The following E2F3 variants were observed in gnomAD, a reference collection of about 807,000 sequenced individuals.
E2F3 encodes the protein transcription factor E2F3.
In E2F3, 11 loss-of-function variants were observed where a neutral mutation model predicts 44.4. The observed-to-expected ratio is 0.25, with a 90% CI of 0.16 to 0.41. The LOEUF (loss-of-function observed/expected upper bound fraction) is 0.41, where lower values mean the gene tolerates loss of function less well. Among genes scored for constraint, E2F3 ranks in the 10% least tolerant of loss-of-function variants. The pLI is 1.00. For synonymous variants in E2F3, 249 were observed against 253.0 expected (o/e 0.98, Z 0.15); for missense variants, 487 against 583.6 (o/e 0.83, Z 1.70).
intron 1 of E2F3, among the ~76,000 whole-genome samples, chr6:20,424,117 G>T (rs943014990): frequency 6.6e-6 from 1 of 151,878 alleles, no homozygotes; most frequent in African/African-American, 2.4e-5. Flanking sequence ...CTTTGGGAAG[G>T]CCTTTCCTAA....
Position 20,486,225 on chromosome 6 carries a change from A to G in E2F3, c.885-464A>G, listed in dbSNP as rs895281025. On this transcript the variant is annotated intron_variant, in intron 4 of 6. Coordinates refer to ENST00000346618, the MANE Select transcript of E2F3 (RefSeq NM_001949.5). Reference sequence around the variant, plus strand: ...TAGTTGTTTAGAGTGTCAACCAGAAATGAAGATTCATGGGAGACCCTAAAC... The same window carrying G: ...TAGTTGTTTAGAGTGTCAACCAGAAGTGAAGATTCATGGGAGACCCTAAAC... Among the ~76,000 whole-genome samples the G allele has an allele frequency of 2.6e-5, 4 of 152,312 alleles. No homozygotes were observed. In the South Asian group the frequency reaches 8.3e-4, roughly 32 times the overall value.
chr6:20,474,950 G>A (rs1000562680), intron 1 of E2F3, among the ~76,000 whole-genome samples: 1 of 152,174 alleles, frequency 6.6e-6, no homozygotes, highest in Non-Finnish European at 1.5e-5. Flanking sequence ...ATGACATAAA[G>A]TGCTCACCTC....
chr6:20,406,795 TTCACCATG>T (rs1314779485), intron 1 of E2F3, among the ~76,000 whole-genome samples: 1 of 152,178 alleles, frequency 6.6e-6, no homozygotes, highest in African/African-American at 2.4e-5. Context: ...ACTCTCAATC[TTCACCATG>T]TCAGAGACAT....
At chr6:20,437,720 G>A (rs571728012) in intron 1 of E2F3, 7 of 152,288 alleles carry the variant, frequency 4.6e-5, no homozygotes, top group East Asian at 1.9e-4. Context: ...CTGAGTTCAC[G>A]GGAACGGGAG....
At chr6:20,467,673 A>G (rs1005210404) in intron 1 of E2F3, among the ~76,000 whole-genome samples, 2 of 152,192 alleles carry the variant, frequency 1.3e-5, no homozygotes, top group Admixed American at 1.3e-4. Flanking sequence ...TTGGTCTGGC[A>G]TCGAGGTTTG....
intron 1 of E2F3, among the ~76,000 whole-genome samples, chr6:20,407,295 C>T (rs976963969): frequency 3.2e-4 from 49 of 152,140 alleles, no homozygotes; most frequent in African/African-American, 1.2e-3. Flanking sequence ...ACAGGTAGCT[C>T]CACTATAATC....
chr6:20,403,847 C>A (rs937749269), intron 1 of E2F3: 3 of 1,459,630 alleles, frequency 2.1e-6, no homozygotes, highest in Non-Finnish European at 2.7e-6. Context: ...GTGACCGGGA[C>A]GGCTCGGGGG....
chr6:20,409,620 T>G (rs754682826), intron 1 of E2F3, among the ~76,000 whole-genome samples: 2 of 152,244 alleles, frequency 1.3e-5, no homozygotes, highest in South Asian at 2.1e-4. Context: ...GTTCTTCCTC[T>G]GTGGTTAGCT....
Position 20,429,112 on chromosome 6 carries a change from C to G in E2F3, c.393+26487C>G, listed in dbSNP as rs375222190. ...CATACTATAACATATGTGACAGCCT[C>G]CCCACAACAAAGAATTATCCAGCCC... On this transcript the variant is annotated intron_variant, in intron 1 of 6. Transcript: ENST00000346618. 2.6e-3 allele frequency among the ~76,000 whole-genome samples: 394 copies of G among 152,288 alleles called. 3 individuals are homozygous for G. Among genetic ancestry groups the G allele is most frequent in the African/African-American group, 8.2e-3 (342 of 41,552 alleles).
chr6:20,412,484 T>C (rs554809407), intron 1 of E2F3, among the ~76,000 whole-genome samples: 5 of 152,096 alleles, frequency 3.3e-5, no homozygotes, highest in Admixed American at 1.3e-4. Context: ...GGCAGAAAGA[T>C]TGGCGTCAGG....
intron 1 of E2F3, among the ~76,000 whole-genome samples, chr6:20,470,687 C>G (rs1377997029): frequency 6.6e-6 from 1 of 152,086 alleles, no homozygotes; most frequent in Non-Finnish European, 1.5e-5. Flanking sequence ...AAGTTCTATC[C>G]CTTTCCTGAT....
chr6:20,420,203 C>T lies in E2F3; in HGVS notation c.393+17578C>T, dbSNP rs372870054. 2.7e-3 allele frequency among the ~76,000 whole-genome samples: 413 copies of T among 152,184 alleles called. 4 individuals are homozygous for T. The highest frequency in any genetic ancestry group is 8.1e-3 in the African/African-American group (338 of 41,516). ...TATGTGTCAGGGATAGTTTTAAGCA[C>T]GTTATATGAAATCACTAATTTAAAC... On this transcript the variant is annotated intron_variant, in intron 1 of 6. Coordinates refer to ENST00000346618, the MANE Select transcript of E2F3 (RefSeq NM_001949.5).
At chr6:20,411,291 C>G (rs1337546354) in intron 1 of E2F3, among the ~76,000 whole-genome samples, 1 of 152,014 alleles carries the variant, frequency 6.6e-6, no homozygotes, top group Non-Finnish European at 1.5e-5. Context: ...GCTGCTGGGC[C>G]CTGCCAGACT....
At chr6:20,466,122 C>CG (rs201518994) in intron 1 of E2F3, among the ~76,000 whole-genome samples, 161 of 40,228 alleles carry the variant, frequency 4.0e-3, no homozygotes, top group African/African-American at 9.1e-3. Context: ...GGGTGCGGGG[C>CG]GGGGGGTGTG....
chr6:20,427,969 A>G (rs1760270335), intron 1 of E2F3, among the ~76,000 whole-genome samples: 1 of 152,036 alleles, frequency 6.6e-6, no homozygotes, highest in African/African-American at 2.4e-5. Context: ...TCACCAAGGG[A>G]CTTTGGTCCC....
chr6:20,468,441 A>G (rs1253382399), intron 1 of E2F3, among the ~76,000 whole-genome samples: 25 of 152,254 alleles, frequency 1.6e-4, no homozygotes, highest in Admixed American at 1.6e-3. Context: ...TGCATAGGGC[A>G]AGGCATGTGA....
intron 1 of E2F3, among the ~76,000 whole-genome samples, chr6:20,444,849 T>C (rs1329682326): frequency 4.6e-5 from 7 of 152,250 alleles, no homozygotes; most frequent in African/African-American, 1.7e-4. Flanking sequence ...CCCTGAGTCA[T>C]GAATGGGTGT....
intron 6 of E2F3, among the ~76,000 whole-genome samples, chr6:20,489,243 A>G (rs1216945137): frequency 6.6e-6 from 1 of 152,216 alleles, no homozygotes; most frequent in Non-Finnish European, 1.5e-5. Flanking sequence ...CACCACAGAA[A>G]TCCAAAGTGG....
intron 1 of E2F3, among the ~76,000 whole-genome samples, chr6:20,472,081 C>T (rs1386146416): frequency 1.4e-5 from 2 of 147,662 alleles, no homozygotes; most frequent in African/African-American, 5.0e-5. Context: ...CACATCTATC[C>T]CTTCTGCAGG....
Sources: allele counts gnomAD v4.1 joint callset (sites outside exome capture counted in the v4.1 genomes callset), GRCh38; gene constraint gnomAD v4.1.1; transcripts MANE v1.5; gene names NCBI Gene and HGNC (gene_info 2026-07-23, HGNC 2026-07-21).